The following IQCM variants were observed in gnomAD, a reference collection of about 807,000 sequenced individuals.
The protein encoded by IQCM is IQ motif containing M.
A neutral mutation model predicts 57.6 loss-of-function variants in IQCM; 45 were observed. The ratio of observed to expected loss-of-function variants is 0.78; its 90% CI spans 0.62 to 1.00. The LOEUF is 1.00. Ranked by LOEUF, IQCM falls within the 50% of genes least tolerant of loss-of-function variation. IQCM has a pLI of 0.00. For missense variants in IQCM, 468 were observed against 511.6 expected (o/e 0.91, Z 0.82); for synonymous variants, 148 against 158.9 (o/e 0.93, Z 0.51).
chr4:149,781,605 G>C (rs770087896), intron 2 of IQCM, among the ~76,000 whole-genome samples: 4 of 152,106 alleles, frequency 2.6e-5, no homozygotes, highest in Non-Finnish European at 5.9e-5. Context: ...ATCTTTTTCT[G>C]TGCCTAACAT....
At chr4:149,747,416 T>C (rs917722919) in intron 2 of IQCM, among the ~76,000 whole-genome samples, 9 of 152,224 alleles carry the variant, frequency 5.9e-5, no homozygotes, top group Non-Finnish European at 1.3e-4. Context: ...AAATCATCTC[T>C]AGATTATTTA....
At chr4:149,697,404 TA>T (rs896075402) in intron 5 of IQCM, among the ~76,000 whole-genome samples, 1 of 151,814 alleles carries the variant, frequency 6.6e-6, no homozygotes, top group African/African-American at 2.4e-5. Context: ...AATAAAAAAA[TA>T]AAGTCATTTC....
chr4:149,558,701 T>G (rs1749821810), intron 10 of IQCM, among the ~76,000 whole-genome samples: 1 of 152,170 alleles, frequency 6.6e-6, no homozygotes, highest in Non-Finnish European at 1.5e-5. Flanking sequence ...GAGCATCACC[T>G]GGGGGAAGAG....
chr4:149,492,645 A>C (rs1742218159), intron 12 of IQCM, among the ~76,000 whole-genome samples: 1 of 152,118 alleles, frequency 6.6e-6, no homozygotes, highest in Non-Finnish European at 1.5e-5. Context: ...TAGTAGTATG[A>C]TGCAACCTGG....
At chr4:149,624,641 C>A (rs778754123) in intron 7 of IQCM, among the ~76,000 whole-genome samples, 1 of 152,152 alleles carries the variant, frequency 6.6e-6, no homozygotes, top group Non-Finnish European at 1.5e-5. Context: ...AAAACAATCC[C>A]CACATCTATA....
At chr4:149,375,959 C>G (rs1037570214) in intron 13 of IQCM, among the ~76,000 whole-genome samples, 2 of 152,042 alleles carry the variant, frequency 1.3e-5, no homozygotes, top group South Asian at 4.1e-4. Flanking sequence ...GGAAGAATTA[C>G]ACAGAGAAAC....
At chr4:149,716,716 T>C (rs1765034619) in intron 5 of IQCM, among the ~76,000 whole-genome samples, 1 of 152,188 alleles carries the variant, frequency 6.6e-6, no homozygotes. Flanking sequence ...TCAAACCTGT[T>C]CTTCACAAAG....
intron 12 of IQCM, among the ~76,000 whole-genome samples, chr4:149,465,716 G>A: frequency 6.6e-6 from 1 of 151,740 alleles, no homozygotes; most frequent in East Asian, 1.9e-4. Context: ...AATAATCAGG[G>A]CTTCTTCAAG....
At chr4:149,478,731 C>A (rs1166047886) in intron 12 of IQCM, among the ~76,000 whole-genome samples, 1 of 152,058 alleles carries the variant, frequency 6.6e-6, no homozygotes, top group African/African-American at 2.4e-5. Context: ...CGATCCTGTA[C>A]ATGAGAATCT....
At chr4:149,621,960 A>G (rs1425309093) in intron 7 of IQCM, among the ~76,000 whole-genome samples, 1 of 152,162 alleles carries the variant, frequency 6.6e-6, no homozygotes, top group Non-Finnish European at 1.5e-5. Flanking sequence ...ATATATGTAT[A>G]TATATGTATA....
chr4:149,694,738 A>ATTC (rs1763213830), intron 5 of IQCM, among the ~76,000 whole-genome samples: 1 of 152,206 alleles, frequency 6.6e-6, no homozygotes, highest in African/African-American at 2.4e-5. Context: ...AAATTTCAGA[A>ATTC]GAACACTGTA....
intron 8 of IQCM, among the ~76,000 whole-genome samples, chr4:149,613,151 A>G (rs542356988): frequency 4.6e-5 from 7 of 152,218 alleles, no homozygotes; most frequent in African/African-American, 1.7e-4. Flanking sequence ...GTAACCCATT[A>G]GAGGAGAAAA....
chr4:149,791,502 T>C (rs1332063851), intron 2 of IQCM, among the ~76,000 whole-genome samples: 1 of 152,152 alleles, frequency 6.6e-6, no homozygotes, highest in African/African-American at 2.4e-5. Context: ...CCTATTGTGC[T>C]ACCAAACATT....
chr4:149,650,718 G>A (rs1325458293), intron 7 of IQCM, among the ~76,000 whole-genome samples: 1 of 152,026 alleles, frequency 6.6e-6, no homozygotes, highest in African/African-American at 2.4e-5. Context: ...AAGCCCTTCA[G>A]TTTGTGGTAA....
intron 8 of IQCM, among the ~76,000 whole-genome samples, chr4:149,589,124 C>A (rs942716952): frequency 3.3e-5 from 5 of 151,936 alleles, no homozygotes; most frequent in African/African-American, 1.2e-4. Context: ...TGATGGCTTG[C>A]ATATCTACTT....
At chr4:149,461,093 G>A (rs889898330) in intron 12 of IQCM, among the ~76,000 whole-genome samples, 1 of 152,000 alleles carries the variant, frequency 6.6e-6, no homozygotes, top group Non-Finnish European at 1.5e-5. Flanking sequence ...AATTAGGCGG[G>A]TGTGGTGGCA....
intron 5 of IQCM, among the ~76,000 whole-genome samples, chr4:149,703,510 T>C (rs1763923410): frequency 6.6e-6 from 1 of 151,868 alleles, no homozygotes; most frequent in Admixed American, 6.6e-5. Flanking sequence ...TAGGCCAACA[T>C]CTTGAACTAT....
chr4:149,361,198 A>G (rs2110919021), intron 13 of IQCM, among the ~76,000 whole-genome samples: 1 of 152,366 alleles, frequency 6.6e-6, no homozygotes, highest in African/African-American at 2.4e-5. Context: ...TAAGCTGCAA[A>G]GCATTCAAGA....
At position 149,652,497 on chromosome 4, in the gene IQCM, A is replaced by G. The variant is rs532725365; in HGVS notation, c.565+29621T>C. 2.5e-3 allele frequency among the ~76,000 whole-genome samples: 383 copies of G among 152,242 alleles called. 7 individuals are homozygous for G. The highest frequency in any genetic ancestry group is 3.0e-3 in the Non-Finnish European group (205 of 68,008). On this transcript the variant is annotated intron_variant, in intron 7 of 13. Coordinates refer to ENST00000636793, the MANE Select transcript of IQCM (RefSeq NM_001363507.2). ...AAAAACAAACCATAGCATAAAAACC[A>G]AAAAGATTTTGGGGGCAAAAAGGTA...
Sources: allele counts gnomAD v4.1 joint callset (sites outside exome capture counted in the v4.1 genomes callset), GRCh38; gene constraint gnomAD v4.1.1; transcripts MANE v1.5; gene names NCBI Gene and HGNC (gene_info 2026-07-23, HGNC 2026-07-21).